SOS1: variants seen among roughly 807,000 people sequenced by gnomAD.
SOS1 encodes the protein SOS Ras/Rac guanine nucleotide exchange factor 1.
In SOS1, 25 loss-of-function variants were observed where a neutral mutation model predicts 157.6. That is an observed-to-expected ratio of 0.16 (90% CI 0.12 to 0.22). SOS1 has a LOEUF of 0.22. Ranked by LOEUF, SOS1 falls within the 10% of genes least tolerant of loss-of-function variation. The pLI is 1.00. For missense variants in SOS1, 1,237 were observed against 1,599.1 expected (o/e 0.77, Z 3.86); for synonymous variants, 528 against 534.0 (o/e 0.99, Z 0.16).
chr2:39,041,439 T>C (rs1477819237), intron 6 of SOS1, among the ~76,000 whole-genome samples: 1 of 152,228 alleles, frequency 6.6e-6, no homozygotes, highest in Non-Finnish European at 1.5e-5. Context: ...ACTACTCTTA[T>C]CAGAAATATC....
At chr2:39,066,364 A>G (rs1671588093) in intron 2 of SOS1, among the ~76,000 whole-genome samples, 1 of 152,224 alleles carries the variant, frequency 6.6e-6, no homozygotes, top group African/African-American at 2.4e-5. Context: ...AGAAACCCAA[A>G]GATTTGAAGT....
At chr2:39,003,761 CA>C (rs1010422328) in intron 17 of SOS1, among the ~76,000 whole-genome samples, 2 of 149,156 alleles carry the variant, frequency 1.3e-5, no homozygotes, top group Non-Finnish European at 1.5e-5. Flanking sequence ...CAAAATTGGC[CA>C]AAAAAAAAGG....
intron 5 of SOS1, among the ~76,000 whole-genome samples, chr2:39,052,481 A>G (rs1671054281): frequency 6.6e-6 from 1 of 151,994 alleles, no homozygotes; most frequent in African/African-American, 2.4e-5. Context: ...ACTATGCCTC[A>G]CTCCCAGGAA....
rs1553352634 is a variant in SOS1 at position 39,003,066 on chromosome 2, C to CAAAAACAAAACAA, written c.2791+3345_2791+3346insTTGTTTTGTTTTT. Among the ~76,000 whole-genome samples, 78 of 72,302 alleles carry CAAAAACAAAACAA rather than the reference C, an allele frequency of 1.1e-3. 3 individuals are homozygous for CAAAAACAAAACAA. The highest frequency in any genetic ancestry group is 3.0e-4 in the Non-Finnish European group (9 of 30,448). The allele number at this position is 72,302 out of a possible 152,430, so 47.4% of individuals were successfully genotyped here. On this transcript the variant is annotated intron_variant, in intron 17 of 22. Coordinates refer to ENST00000402219, the MANE Select transcript of SOS1 (RefSeq NM_005633.4). Reference sequence around the variant, plus strand: ...TGGGTGATAAAGTGAGACCTTGTATCAAAAAAAAAAAAGAACGTAGGGGTA... The same window carrying CAAAAACAAAACAA: ...TGGGTGATAAAGTGAGACCTTGTATCAAAAACAAAACAAAAAAAAAAAAAAGAACGTAGGGGTA...
intron 1 of SOS1, among the ~76,000 whole-genome samples, chr2:39,078,436 A>G (rs1672089022): frequency 6.6e-6 from 1 of 152,194 alleles, no homozygotes; most frequent in Admixed American, 6.5e-5. Context: ...CAGCAATTCT[A>G]CTTCTAAGTA....
intron 1 of SOS1, among the ~76,000 whole-genome samples, chr2:39,117,349 G>T (rs1673691811): frequency 6.6e-6 from 1 of 152,120 alleles, no homozygotes; most frequent in Non-Finnish European, 1.5e-5. Context: ...TTTTTAGCCT[G>T]AGTGTCAAGG....
intron 1 of SOS1, among the ~76,000 whole-genome samples, chr2:39,083,305 A>C (rs1040184622): frequency 2.0e-5 from 3 of 152,148 alleles, no homozygotes; most frequent in Non-Finnish European, 2.9e-5. Flanking sequence ...TGAAGCACCT[A>C]CATCCAAGCA....
At chr2:39,105,615 T>A (rs751231101) in intron 1 of SOS1, among the ~76,000 whole-genome samples, 9 of 152,156 alleles carry the variant, frequency 5.9e-5, no homozygotes, top group Non-Finnish European at 1.0e-4. Flanking sequence ...ATCAAACCAG[T>A]GGCCAGGCCT....
chr2:39,111,813 TC>T (rs1472846222), intron 1 of SOS1, among the ~76,000 whole-genome samples: 2 of 149,848 alleles, frequency 1.3e-5, no homozygotes, highest in African/African-American at 2.5e-5. Context: ...CACTGCAACC[TC>T]CACCTCCAGG....
chr2:39,056,890 G>A, intron 3 of SOS1, 24 bp from the exon 4 acceptor site: 1 of 1,525,600 alleles, frequency 6.6e-7, no homozygotes, highest in Non-Finnish European at 9.1e-7. Flanking sequence ...AGAAAAGCAT[G>A]TTTAAACATC....
At chr2:39,014,032 C>T (rs752149142) in intron 11 of SOS1, 43 bp from the exon 12 acceptor site, 34 of 1,466,622 alleles carry the variant, frequency 2.3e-5, no homozygotes, top group Admixed American at 5.1e-5. Flanking sequence ...CTAATTATAT[C>T]GAGTTATACA....
chr2:39,116,640 C>A (rs13428418), intron 1 of SOS1, among the ~76,000 whole-genome samples: 10,879 of 152,208 alleles, frequency 0.071, 1,420 homozygotes, highest in African/African-American at 0.25. Context: ...GAAGCTGAGG[C>A]AGGCAGATGG....
intron 1 of SOS1, among the ~76,000 whole-genome samples, chr2:39,119,966 C>CG (rs2148242112): frequency 6.6e-6 from 1 of 152,288 alleles, no homozygotes; most frequent in East Asian, 1.9e-4. Flanking sequence ...ACACCTAAAA[C>CG]GGTAGGCTGA....
At chr2:39,056,594 A>G in intron 4 of SOS1, 108 bp downstream of exon 4, 2 of 759,056 alleles carry the variant, frequency 2.6e-6, no homozygotes, top group East Asian at 2.5e-5. Context: ...GTTACTGGAG[A>G]TATTCCCCAA....
intron 1 of SOS1, among the ~76,000 whole-genome samples, chr2:39,115,901 G>A (rs953751372): frequency 2.0e-5 from 3 of 151,764 alleles, no homozygotes; most frequent in Admixed American, 1.3e-4. Context: ...CTATATTTAT[G>A]GCTTTACTTA....
In SOS1 at chr2:39,046,528, G is replaced by C. The variant is rs1209885013; in HGVS notation, c.864+4616C>G. On this transcript the variant is annotated intron_variant, in intron 6 of 22. Coordinates refer to ENST00000402219, the MANE Select transcript of SOS1 (RefSeq NM_005633.4). ...TTTTTTTTTTTTTTTTTTTTGAGACGGAGTCTCGCTCTGTCGCCCAGGCTG... is the reference window on the plus strand; with the variant it reads ...TTTTTTTTTTTTTTTTTTTTGAGACCGAGTCTCGCTCTGTCGCCCAGGCTG... Among the ~76,000 whole-genome samples, 4 of 126,022 alleles carry C rather than the reference G, an allele frequency of 3.2e-5. No homozygotes were observed. The East Asian group carries it at 6.7e-4, about 21-fold the overall frequency. 82.7% of individuals were successfully genotyped at this position (126,022 alleles called of 152,430 possible).
intron 20 of SOS1, among the ~76,000 whole-genome samples, chr2:38,991,324 T>G (rs1413822539): frequency 6.6e-6 from 1 of 152,184 alleles, no homozygotes; most frequent in Non-Finnish European, 1.5e-5. Context: ...ACAGCAATCT[T>G]CCAGGAGGAA....
intron 6 of SOS1, among the ~76,000 whole-genome samples, chr2:39,044,766 T>C (rs1320895314): frequency 2.6e-5 from 4 of 152,146 alleles, no homozygotes; most frequent in Non-Finnish European, 5.9e-5. Context: ...GATGTGGCAC[T>C]TAAGCGTGTG....
intron 2 of SOS1, among the ~76,000 whole-genome samples, chr2:39,060,177 T>C (rs548889579): frequency 1.3e-5 from 2 of 152,362 alleles, no homozygotes; most frequent in African/African-American, 4.8e-5. Flanking sequence ...GGTTTTCAGT[T>C]AAAATGTTTA....
Sources: allele counts gnomAD v4.1 joint callset (sites outside exome capture counted in the v4.1 genomes callset), GRCh38; gene constraint gnomAD v4.1.1; transcripts MANE v1.5; gene names NCBI Gene and HGNC (gene_info 2026-07-23, HGNC 2026-07-21).